Variants in GABRB3 observed in about 807,000 individuals in gnomAD.
The protein encoded by GABRB3 is gamma-aminobutyric acid receptor subunit beta-3.
GABRB3 carries 14 observed loss-of-function variants against 52.1 expected under a neutral mutation model. The ratio of observed to expected loss-of-function variants is 0.27; its 90% CI spans 0.18 to 0.42. The LOEUF (loss-of-function observed/expected upper bound fraction) is 0.42. Ranked by LOEUF, GABRB3 falls within the 10% of genes least tolerant of loss-of-function variation. The pLI, the probability that GABRB3 is intolerant of heterozygous loss-of-function variation, is 1.00. For missense variants in GABRB3, 307 were observed against 609.1 expected (o/e 0.50, Z 5.22); for synonymous variants, 260 against 232.3 (o/e 1.12, Z -1.08).
At chr15:26,712,050 C>A (rs564924950) in intron 3 of GABRB3, among the ~76,000 whole-genome samples, 70 of 152,164 alleles carry the variant, frequency 4.6e-4, no homozygotes, top group African/African-American at 1.6e-3. Flanking sequence ...TGGGCACAGA[C>A]GTCATGCACT....
At chr15:26,689,649 C>T (rs755092074) in intron 3 of GABRB3, among the ~76,000 whole-genome samples, 3 of 152,014 alleles carry the variant, frequency 2.0e-5, no homozygotes, top group South Asian at 4.1e-4. Flanking sequence ...GCAGAGGACA[C>T]GAAACCCCTC....
intron 3 of GABRB3, among the ~76,000 whole-genome samples, chr15:26,748,637 G>A (rs1385703830): frequency 6.6e-6 from 1 of 151,948 alleles, no homozygotes; most frequent in African/African-American, 2.4e-5. Context: ...GATTTTGGGG[G>A]GCAAGATAAA....
At chr15:26,681,432 T>C (rs1220551820) in intron 3 of GABRB3, among the ~76,000 whole-genome samples, 1 of 152,150 alleles carries the variant, frequency 6.6e-6, no homozygotes, top group Non-Finnish European at 1.5e-5. Flanking sequence ...GACCATGAAG[T>C]GGTTCTGCCT....
chr15:26,772,611 G>A (rs1295074673), intron 2 of GABRB3, 70 bp downstream of exon 2: 7 of 1,435,642 alleles, frequency 4.9e-6, no homozygotes, highest in African/African-American at 1.5e-5. Context: ...TGCGGCCCCC[G>A]CCTCCCTCCG....
At chr15:26,558,912 A>G (rs1365454738) in intron 8 of GABRB3, among the ~76,000 whole-genome samples, 1 of 152,190 alleles carries the variant, frequency 6.6e-6, no homozygotes, top group Non-Finnish European at 1.5e-5. Context: ...TAACTGGATC[A>G]CAGTTCTGCA....
At chr15:26,548,838 G>A (rs906765220) in intron 8 of GABRB3, among the ~76,000 whole-genome samples, 19 of 152,198 alleles carry the variant, frequency 1.2e-4, no homozygotes, top group African/African-American at 3.6e-4. Context: ...GGTCCATTCT[G>A]TTTGTGGGTT....
chr15:26,718,775 GC>G (rs762805754), intron 3 of GABRB3, among the ~76,000 whole-genome samples: 10 of 152,234 alleles, frequency 6.6e-5, no homozygotes, highest in Non-Finnish European at 1.5e-4. Context: ...TTTCAAAAAT[GC>G]CAACTTAATC....
At chr15:26,674,250 A>C (rs1887988552) in intron 3 of GABRB3, among the ~76,000 whole-genome samples, 1 of 151,410 alleles carries the variant, frequency 6.6e-6, no homozygotes, top group South Asian at 2.1e-4. Flanking sequence ...AAAAATACAA[A>C]ATTTGCCTGG....
At chr15:26,589,656 A>G (rs1269157226) in intron 4 of GABRB3, among the ~76,000 whole-genome samples, 1 of 152,006 alleles carries the variant, frequency 6.6e-6, no homozygotes, top group African/African-American at 2.4e-5. Context: ...ATTTCATTAC[A>G]CCTACAAATC....
At chr15:26,624,920 G>C in intron 3 of GABRB3, 1 of 985,550 alleles carries the variant, frequency 1.0e-6, no homozygotes, top group Non-Finnish European at 1.2e-6. Context: ...GGAACAGCGG[G>C]CAGCCGCTTG....
intron 3 of GABRB3, among the ~76,000 whole-genome samples, chr15:26,713,452 C>A (rs1889367237): frequency 6.6e-6 from 1 of 151,996 alleles, no homozygotes; most frequent in African/African-American, 2.4e-5. Context: ...CGCCTGGTGC[C>A]ATCAGTCATC....
chr15:26,742,481 C>T lies in GABRB3; in HGVS notation c.240+29921G>A, dbSNP rs961066921. Among the ~76,000 whole-genome samples the T allele has an allele frequency of 1.8e-4, 28 of 151,846 alleles. 1 individual carries two copies. Among genetic ancestry groups the T allele is most frequent in the African/African-American group, 5.8e-4 (24 of 41,338 alleles). On this transcript the variant is annotated intron_variant, in intron 3 of 8. Coordinates refer to ENST00000311550, the MANE Select transcript of GABRB3 (RefSeq NM_000814.6). ...TTTTCTCCCAAGTCCTTTTAAAATG[C>T]GCAAGCTTTTGCTCCATCAGATATT... is the stretch of plus-strand genomic sequence containing the variant.
At chr15:26,758,362 C>A (rs967734941) in intron 3 of GABRB3, among the ~76,000 whole-genome samples, 10 of 151,936 alleles carry the variant, frequency 6.6e-5, no homozygotes, top group African/African-American at 2.4e-4. Context: ...TTAACAAATT[C>A]CATCTGCTTT....
intron 4 of GABRB3, among the ~76,000 whole-genome samples, chr15:26,609,103 TACACACAC>T (rs79471574): frequency 1.5e-3 from 210 of 143,340 alleles, no homozygotes; most frequent in Middle Eastern, 7.0e-3. Context: ...CACACACACA[TACACACAC>T]ACACACACAC....
chr15:26,749,056 CA>C (rs1435978251), intron 3 of GABRB3, among the ~76,000 whole-genome samples: 1 of 151,080 alleles, frequency 6.6e-6, no homozygotes, highest in African/African-American at 2.4e-5. Context: ...AAAAATAAGA[CA>C]AAATCATCTG....
chr15:26,668,019 G>T (rs555944810), intron 3 of GABRB3, among the ~76,000 whole-genome samples: 50 of 152,264 alleles, frequency 3.3e-4, no homozygotes, highest in African/African-American at 1.2e-3. Context: ...AAGATTCCCT[G>T]CGTAACACCC....
intron 3 of GABRB3, among the ~76,000 whole-genome samples, chr15:26,645,197 G>C (rs1421715381): frequency 6.6e-6 from 1 of 152,100 alleles, no homozygotes; most frequent in African/African-American, 2.4e-5. Flanking sequence ...AGCTATGATT[G>C]CACGACGCAC....
chr15:26,599,127 A>G (rs1891496345), intron 4 of GABRB3, among the ~76,000 whole-genome samples: 1 of 152,232 alleles, frequency 6.6e-6, no homozygotes, highest in Non-Finnish European at 1.5e-5. Context: ...GGAGACTCCC[A>G]CTTCTATGCA....
chr15:26,712,756 G>A (rs914109456), intron 3 of GABRB3, among the ~76,000 whole-genome samples: 6 of 152,226 alleles, frequency 3.9e-5, no homozygotes, highest in South Asian at 2.1e-4. Flanking sequence ...CTGTGCCCAC[G>A]GCCACCTCGG....
Sources: allele counts gnomAD v4.1 joint callset (sites outside exome capture counted in the v4.1 genomes callset), GRCh38; gene constraint gnomAD v4.1.1; transcripts MANE v1.5; gene names NCBI Gene and HGNC (gene_info 2026-07-23, HGNC 2026-07-21).